OS9: variants seen among roughly 807,000 people sequenced by gnomAD.
OS9 encodes OS9 endoplasmic reticulum lectin.
In OS9, 58 loss-of-function variants were observed where a neutral mutation model predicts 84.7. The observed-to-expected ratio is 0.68, with a 90% CI of 0.55 to 0.85. OS9 has a LOEUF of 0.85. Among genes scored for constraint, OS9 ranks in the 40% least tolerant of loss-of-function variants. The pLI is 0.00. For missense variants in OS9, 760 were observed against 850.9 expected (o/e 0.89, Z 1.33); for synonymous variants, 278 against 320.8 (o/e 0.87, Z 1.43).
At chr12:57,708,975 T>TCA (rs1954252317) in intron 5 of OS9, among the ~76,000 whole-genome samples, 2 of 152,240 alleles carry the variant, frequency 1.3e-5, no homozygotes, top group Admixed American at 6.5e-5. Context: ...TTTAAACTTT[T>TCA]GGATTTTGGC....
rs965572535 is a variant in OS9 at position 57,696,938 on chromosome 12, C to T, written c.579+565C>T. The stretch of plus-strand genomic sequence containing the variant: ...ACCTTCACTCTCGCCTGCATCCCTG[C>T]AAACAGCTTCTTTACAAGTGCTTCT... On this transcript the variant is annotated intron_variant, in intron 5 of 14. Transcript: ENST00000315970. Among the ~76,000 whole-genome samples, 8 of 152,294 alleles carry T rather than the reference C, an allele frequency of 5.3e-5. No homozygotes were observed. In the East Asian group the frequency reaches 9.6e-4, roughly 18 times the overall value.
In OS9 at chr12:57,720,940, T is replaced by C. The variant is rs1329374105; in HGVS notation, c.*31T>C. The C allele has an allele frequency of 1.9e-6, 3 of 1,613,336 alleles. No individual in the cohort carries two copies. Among genetic ancestry groups the C allele is most frequent in the Non-Finnish European group, 8.5e-7 (1 of 1,179,548 alleles). ...ACACTACACTTGACCCTTCACGGAA[T>C]CCAGACTCTTCCTGGACTGGCTTGC... On this transcript the variant is annotated 3_prime_UTR_variant, in exon 15 of 15. Transcript: ENST00000315970.
intron 7 of OS9, 66 bp from the exon 8 acceptor site, chr12:57,716,346 C>T: frequency 7.5e-7 from 1 of 1,332,210 alleles, no homozygotes. Flanking sequence ...GGGACCCCAT[C>T]CTATTTGCTC....
intron 5 of OS9, 51 bp from the exon 6 acceptor site, chr12:57,715,709 A>C: frequency 5.1e-6 from 7 of 1,365,080 alleles, no homozygotes; most frequent in Non-Finnish European, 7.2e-6. Context: ...CTAATAACTA[A>C]AGCAAATTAT....
At chr12:57,717,150 G>A (rs893745059) in intron 9 of OS9, among the ~76,000 whole-genome samples, 2 of 152,220 alleles carry the variant, frequency 1.3e-5, no homozygotes, top group Non-Finnish European at 2.9e-5. Flanking sequence ...GATCTCCTCT[G>A]TAGTCCTAAA....
At position 57,719,120 on chromosome 12, in the gene OS9, TGAA is replaced by T; in HGVS notation, c.1543_1545del (p.Lys515del). The T allele has an allele frequency of 1.9e-6, 3 of 1,614,050 alleles. No homozygotes were observed. The highest frequency in any genetic ancestry group is 2.5e-6 in the Non-Finnish European group (3 of 1,180,022). The stretch of plus-strand genomic sequence containing the variant: ...GAGGAAAAACAGAGTCCAGAGCTGG[TGAA>T]GAAGCACAAGAAAAAGAGGGTTGTC... On this transcript the variant is annotated inframe_deletion, in exon 12 of 15. Coordinates refer to ENST00000315970, the MANE Select transcript of OS9 (RefSeq NM_006812.4).
chr12:57,715,744 C>A lies in OS9; in HGVS notation c.580-16C>A. The A allele has an allele frequency of 1.3e-6, 2 of 1,570,130 alleles. No homozygotes were observed. Among genetic ancestry groups the A allele is most frequent in the East Asian group, 2.2e-5 (1 of 44,504 alleles). ...TTGTTGGTGATTAAGTGTATTCATC[C>A]TTTCTGTCCTGGCAGTTCCTCTGTG... On this transcript the variant is annotated splice_polypyrimidine_tract_variant and intron_variant, in intron 5 of 14. Transcript: ENST00000315970.
In OS9 at chr12:57,718,976, TCTC is replaced by T. The variant is rs747966047; in HGVS notation, c.1411-16_1411-14del. The T allele has an allele frequency of 6.2e-7, 1 of 1,605,572 alleles. No individual in the cohort carries two copies. On this transcript the variant is annotated splice_polypyrimidine_tract_variant and intron_variant, in intron 11 of 14. Transcript: ENST00000315970. ...ACCCCAGACCCTTGACTCACTCTCT[TCTC>T]TTGGGTATTCCAGACAGAGAAAGAG...
chr12:57,694,628 G>T, intron 1 of OS9, 122 bp from the exon 2 acceptor site: 1 of 1,009,350 alleles, frequency 9.9e-7, no homozygotes, highest in Admixed American at 1.9e-5. Context: ...CAGCTGGAGG[G>T]CTTATGGCTT....
At chr12:57,707,599 A>C (rs1286062847) in intron 5 of OS9, among the ~76,000 whole-genome samples, 8 of 152,094 alleles carry the variant, frequency 5.3e-5, no homozygotes, top group Admixed American at 3.9e-4. Flanking sequence ...GGGTTTCTTC[A>C]TGTTGGTCAG....
In OS9 at chr12:57,719,894, T is replaced by C. The variant is rs1010096116; in HGVS notation, c.1601-205T>C. 5.7e-6 allele frequency: 3 copies of C among 530,714 alleles called. No individual in the cohort carries two copies. In the African/African-American group the frequency reaches 5.7e-5, roughly 10 times the overall value. 32.9% of individuals were successfully genotyped at this position (530,714 alleles called of 1,614,324 possible). A position where few individuals can be genotyped will look rare whatever the true frequency, so the allele number is the denominator to read the frequency against. The stretch of plus-strand genomic sequence containing the variant: ...AGAATTATTGGGTAGGGCGGGAAGA[T>C]GGAAGGCTGCAATTGGTGGAGGGAG... On this transcript the variant is annotated intron_variant, in intron 12 of 14. Coordinates refer to ENST00000315970, the MANE Select transcript of OS9 (RefSeq NM_006812.4).
At chr12:57,700,048 T>A (rs971959071) in intron 5 of OS9, among the ~76,000 whole-genome samples, 2 of 151,352 alleles carry the variant, frequency 1.3e-5, no homozygotes, top group East Asian at 1.9e-4. Context: ...TGAGCTGATA[T>A]CGCACCATTG....
chr12:57,720,261 CAG>C lies in OS9; in HGVS notation c.1764_1765del (p.Gly589GlufsTer3). ...CTGGAGAGGGAGGGACTCACAGCTG[CAG>C]GTGGGCCCTGGAGGGCGGCTGGACC... On this transcript the variant is annotated frameshift_variant and splice_region_variant, in exon 13 of 15. Transcript: ENST00000315970. LOFTEE classifies it high-confidence loss of function. 6.2e-7 allele frequency: 1 copy of C among 1,613,828 alleles called. No homozygotes were observed. Among genetic ancestry groups the C allele is most frequent in the South Asian group, 1.1e-5 (1 of 91,076 alleles).
chr12:57,694,732 C>T lies in OS9; in HGVS notation c.163-18C>T, dbSNP rs1296092295. 9 of 1,612,662 alleles carry T rather than the reference C, an allele frequency of 5.6e-6. No homozygotes were observed. The highest frequency in any genetic ancestry group is 6.8e-6 in the Non-Finnish European group (8 of 1,179,596). On this transcript the variant is annotated intron_variant, in intron 1 of 14. Transcript: ENST00000315970. ...CTTTCTTTGCTTCCTTGCCCCCCGA[C>T]CCTCCCTTCTTTCCCAGAGCCAATC...
intron 5 of OS9, among the ~76,000 whole-genome samples, chr12:57,715,001 G>T (rs1286221069): frequency 2.0e-5 from 3 of 152,112 alleles, no homozygotes; most frequent in African/African-American, 7.2e-5. Flanking sequence ...TCTTAGAATT[G>T]TTTGAAGTTT....
chr12:57,702,245 C>G (rs1954048265), intron 5 of OS9, among the ~76,000 whole-genome samples: 1 of 152,204 alleles, frequency 6.6e-6, no homozygotes, highest in African/African-American at 2.4e-5. Context: ...AAAAATAACT[C>G]CTATTTCTCC....
At chr12:57,701,081 C>CT (rs11380909) in intron 5 of OS9, among the ~76,000 whole-genome samples, 150,618 of 152,280 alleles carry the variant, frequency 0.99, 74,511 homozygotes, top group Middle Eastern at 1. Context: ...ACTCTCCCTC[C>CT]CGCCAGAAAC....
chr12:57,717,817 A>AAAAAAAAG, intron 9 of OS9, 53 bp from the exon 10 acceptor site: 1 of 876,236 alleles, frequency 1.1e-6, no homozygotes. Flanking sequence ...AAAAAAAAAA[A>AAAAAAAAG]AAGAATTTAA....
At chr12:57,704,469 G>A (rs1040359282) in intron 5 of OS9, among the ~76,000 whole-genome samples, 3 of 151,982 alleles carry the variant, frequency 2.0e-5, no homozygotes, top group Non-Finnish European at 2.9e-5. Context: ...CCTGGGAGAC[G>A]GAGGTTGCAG....
Sources: allele counts gnomAD v4.1 joint callset (sites outside exome capture counted in the v4.1 genomes callset), GRCh38; gene constraint gnomAD v4.1.1; transcripts MANE v1.5; gene names NCBI Gene and HGNC (gene_info 2026-07-23, HGNC 2026-07-21).